ZNF8: variants seen among roughly 807,000 people sequenced by gnomAD.
The protein encoded by ZNF8 is zinc finger protein 272.
A neutral mutation model predicts 12.2 loss-of-function variants in ZNF8; 9 were observed. The observed-to-expected ratio is 0.73, with a 90% CI of 0.44 to 1.28. The LOEUF (loss-of-function observed/expected upper bound fraction) is 1.28. ZNF8 is among the 50% of genes most tolerant of loss of function. The probability of loss-of-function intolerance (pLI) is 0.00; values close to 1 mark genes in which losing one functional copy is unlikely to be tolerated. For missense variants in ZNF8, 664 were observed against 729.1 expected (o/e 0.91, Z 1.03); for synonymous variants, 274 against 282.3 (o/e 0.97, Z 0.30).
chr19:58,285,275 A>G (rs971408545), intron 1 of ZNF8, among the ~76,000 whole-genome samples: 2 of 152,024 alleles, frequency 1.3e-5, no homozygotes, highest in African/African-American at 4.8e-5. Context: ...CAGCTTCCCA[A>G]GTAGCTGGGA....
intron 3 of ZNF8, among the ~76,000 whole-genome samples, chr19:58,292,556 G>C (rs1027417093): frequency 6.6e-6 from 1 of 152,078 alleles, no homozygotes; most frequent in African/African-American, 2.4e-5. Flanking sequence ...TTTTGCTATC[G>C]ACATTCAGTC....
rs1444632732 is a variant in ZNF8, at chr19:58,294,265, C to A, written c.457C>A (p.Gln153Lys). 1.9e-6 allele frequency: 3 copies of A among 1,614,058 alleles called. No homozygotes were observed. Among genetic ancestry groups the A allele is most frequent in the South Asian group, 1.1e-5 (1 of 91,064 alleles). The change falls in exon 4 of 4, where the codon CAG becomes AAG. Residue 153 changes from glutamine to lysine, a missense_variant. Around this residue, in one of 3 missense-constraint regions of ZNF8, gnomAD observed 306 missense variants for 308.7 expected, o/e 0.99. Transcript: ENST00000621650. This position sits in a 1 kb window ranked among gnomAD's most constrained non-coding sequence, Gnocchi z 5.5. ...CQSQSLALKE[Q>K]NNLKQLEFGL... Reference sequence around the variant, plus strand: ...GAGCCAGAGTCTGGCACTCAAGGAGCAGAATAACTTGAAGCAGTTGGAATT... The same window carrying A: ...GAGCCAGAGTCTGGCACTCAAGGAGAAGAATAACTTGAAGCAGTTGGAATT...
At chr19:58,287,947 A>T (rs1383890256) in intron 3 of ZNF8, among the ~76,000 whole-genome samples, 1 of 140,286 alleles carries the variant, frequency 7.1e-6, no homozygotes, top group African/African-American at 2.7e-5. Flanking sequence ...GGCTCAAGCA[A>T]TCCTGCCTCA....
intron 3 of ZNF8, among the ~76,000 whole-genome samples, chr19:58,287,865 C>CTTTTTT (rs35762006): frequency 5.2e-5 from 6 of 115,670 alleles, no homozygotes; most frequent in Admixed American, 1.0e-4. Flanking sequence ...TTCTTTCTTC[C>CTTTTTT]TTTTTTTTTT....
In ZNF8 at chr19:58,295,521, C is replaced by G. The variant is rs73941810; in HGVS notation, c.1713C>G (p.Ile571Met). The change falls in exon 4 of 4, where the codon ATC becomes ATG. Residue 571 changes from isoleucine (I) to methionine (M), a missense_variant. Coordinates refer to ENST00000621650, the MANE Select transcript of ZNF8 (RefSeq NM_021089.3). ...TGGGTGCTTCCATGTTATTTGACAT[C>G]AGAGAATCCACATAGGAGAGAAACT... ...PSVGASMLFDIREST is the reference protein window; with the variant it reads ...PSVGASMLFDMREST 1 of 1,601,222 alleles carries G rather than the reference C, an allele frequency of 6.2e-7. No individual in the cohort carries two copies. The highest frequency in any genetic ancestry group is 1.3e-5 in the African/African-American group (1 of 74,208).
rs142154798 is a variant in ZNF8 at position 58,294,627 on chromosome 19, C to T, written c.819C>T (p.Thr273=). Residue 273 remains threonine (T), a synonymous_variant, in exon 4 of 4, where the codon ACC becomes ACT. Coordinates refer to ENST00000621650, the MANE Select transcript of ZNF8 (RefSeq NM_021089.3). The surrounding 1 kb of genome is among the most constrained non-coding windows in gnomAD (Gnocchi z 5.5). ...GKSFNHNAHL[T]VHKRIHTGER... Reference sequence around the variant, plus strand: ...CGTTTAACCATAACGCACACCTCACCGTGCACAAGAGGATTCATACGGGAG... The same window carrying T: ...CGTTTAACCATAACGCACACCTCACTGTGCACAAGAGGATTCATACGGGAG... 8.9e-5 allele frequency: 143 copies of T among 1,614,118 alleles called. 1 individual carries two copies. The highest frequency in any genetic ancestry group is 5.1e-4 in the African/African-American group (38 of 75,020).
At chr19:58,286,064 C>G (rs777999043) in intron 2 of ZNF8, 46 bp from the exon 3 acceptor site, 6 of 1,584,550 alleles carry the variant, frequency 3.8e-6, no homozygotes, top group Non-Finnish European at 5.2e-6. Context: ...CTTGTTGTTT[C>G]TCTCCTGAGC....
intron 1 of ZNF8, among the ~76,000 whole-genome samples, chr19:58,283,379 G>T (rs541219384): frequency 1.3e-5 from 2 of 152,164 alleles, no homozygotes; most frequent in South Asian, 4.2e-4. Context: ...TGAAGGTGGC[G>T]ACTTTTGGGA....
chr19:58,286,441 A>G, intron 3 of ZNF8: 1 of 419,438 alleles, frequency 2.4e-6, no homozygotes, highest in South Asian at 2.8e-5. Flanking sequence ...GAGTCCCCTC[A>G]CTGTGGAGTC....
In ZNF8 at chr19:58,294,947, G is replaced by C. The variant is rs1305383610; in HGVS notation, c.1139G>C (p.Arg380Pro). 2.5e-6 allele frequency: 4 copies of C among 1,613,978 alleles called. No homozygotes were observed. Among genetic ancestry groups the C allele is most frequent in the Non-Finnish European group, 3.4e-6 (4 of 1,180,016 alleles). Reference protein sequence around the residue: ...TCSVCGKSFSRTTCLFLHLRT... With the variant: ...TCSVCGKSFSPTTCLFLHLRT... ...AGTGTGTGTGGGAAATCCTTCTCTC[G>C]GACCACTTGCCTTTTCCTGCACCTG... is the stretch of plus-strand genomic sequence containing the variant. Residue 380 changes from arginine (R) to proline (P), a missense_variant, in exon 4 of 4, where the codon CGG (arginine) becomes CCG (proline). This residue lies in a region of ZNF8 where 133 missense variants were observed against 198.4 expected (regional missense o/e 0.67). Transcript: ENST00000621650. The surrounding 1 kb of genome is among the most constrained non-coding windows in gnomAD (Gnocchi z 5.5).
chr19:58,286,043 TG>T, intron 2 of ZNF8, 66 bp from the exon 3 acceptor site: 1 of 1,541,170 alleles, frequency 6.5e-7, no homozygotes, highest in Admixed American at 1.8e-5. Context: ...GAGTCTGGTC[TG>T]GAGCCTGGGC....
chr19:58,299,651 C>G lies in ZNF8; in HGVS notation c.*4115C>G, dbSNP rs1402578279. The G allele has an allele frequency of 6.6e-6, 1 of 152,016 alleles. No homozygotes were observed. The highest frequency in any genetic ancestry group is 1.5e-5 in the Non-Finnish European group (1 of 68,126). 9.4% of individuals were successfully genotyped at this position (152,016 alleles called of 1,614,324 possible). A position where few individuals can be genotyped will look rare whatever the true frequency, so the allele number is the denominator to read the frequency against. ...TGGCGTGGTGGCGGGCGCCTGTAGT[C>G]CCAGCTACTCGGGAGGCTGAGGCGG... On this transcript the variant is annotated 3_prime_UTR_variant, in exon 4 of 4. Transcript: ENST00000621650.
In ZNF8 at chr19:58,302,346, G is replaced by T. The variant is rs2051496120; in HGVS notation, c.*6810G>T. The T allele has an allele frequency of 6.6e-6, 1 of 152,072 alleles. No homozygotes were observed. Among genetic ancestry groups the T allele is most frequent in the African/African-American group, 2.4e-5 (1 of 41,418 alleles). The allele number at this position is 152,072 out of a possible 1,614,324, so 9.4% of individuals were successfully genotyped here. On this transcript the variant is annotated 3_prime_UTR_variant, in exon 4 of 4. Transcript: ENST00000621650. ...CCTCATACTTTAGCCATCCATAGAT[G>T]GTCCTTACCATTAGGATTTTACTAA...
intron 3 of ZNF8, among the ~76,000 whole-genome samples, chr19:58,287,843 CT>C (rs1028520416): frequency 1.2e-4 from 16 of 131,294 alleles, no homozygotes; most frequent in African/African-American, 3.9e-4. Flanking sequence ...TACTTTTTTT[CT>C]TTTTTTTTCT....
Position 58,282,051 on chromosome 19 carries a change from C to G in ZNF8, c.66+2904C>G, listed in dbSNP as rs553351218. On this transcript the variant is annotated intron_variant, in intron 1 of 3. Transcript: ENST00000621650. ...TCACATGAACCAGGGAGATGGAGGT[C>G]GCAGTGAACCGAGATTGCACCACTG... is the stretch of plus-strand genomic sequence containing the variant. 7.9e-4 allele frequency among the ~76,000 whole-genome samples: 121 copies of G among 152,230 alleles called. 1 individual carries two copies. The highest frequency in any genetic ancestry group is 1.4e-3 in the Non-Finnish European group (96 of 68,038).
chr19:58,279,495 A>G (rs1194201943), intron 1 of ZNF8: 1 of 1,479,086 alleles, frequency 6.8e-7, no homozygotes, highest in Admixed American at 2.2e-5. Flanking sequence ...CCTCGTGTTG[A>G]CTGATAACAG....
At chr19:58,291,958 C>T (rs2051422102) in intron 3 of ZNF8, among the ~76,000 whole-genome samples, 2 of 151,992 alleles carry the variant, frequency 1.3e-5, no homozygotes, top group South Asian at 4.2e-4. Context: ...GGAGGTGAGA[C>T]GAGCCAGGGC....
chr19:58,294,656 G>T lies in ZNF8; in HGVS notation c.848G>T (p.Arg283Ile), dbSNP rs766254282. 1 of 1,614,186 alleles carries T rather than the reference G, an allele frequency of 6.2e-7. No individual in the cohort carries two copies. Among genetic ancestry groups the T allele is most frequent in the Non-Finnish European group, 8.5e-7 (1 of 1,180,026 alleles). The change falls in exon 4 of 4, where the codon AGA (arginine) becomes ATA (isoleucine). Residue 283 changes from arginine (R) to isoleucine (I), a missense_variant. Physicochemically the swap from Arg to Ile is moderately conservative, Grantham distance 97. Around this residue, in one of 3 missense-constraint regions of ZNF8, gnomAD observed 133 missense variants for 198.4 expected, o/e 0.67. Transcript: ENST00000621650. The surrounding 1 kb of genome is among the most constrained non-coding windows in gnomAD (Gnocchi z 5.5). The stretch of plus-strand genomic sequence containing the variant: ...CACAAGAGGATTCATACGGGAGAAA[G>T]ACCTTATATGTGCAAGGAGTGTGGG... ...TVHKRIHTGERPYMCKECGKA... is the reference protein window; with the variant it reads ...TVHKRIHTGEIPYMCKECGKA...
Position 58,295,410 on chromosome 19 carries a change from A to G in ZNF8, c.1602A>G (p.Glu534=). The change falls in exon 4 of 4, where the codon GAA becomes GAG. Residue 534 remains glutamate, a synonymous_variant. Coordinates refer to ENST00000621650, the MANE Select transcript of ZNF8 (RefSeq NM_021089.3). ...SAGGAKAGQP[E]SRALALFDIQ... is the part of the protein sequence containing the mutation. ...GCGGAGCAAAGGCAGGGCAGCCGGA[A>G]AGCAGAGCCCTGGCTTTGTTTGACA... is the stretch of plus-strand genomic sequence containing the variant. The G allele has an allele frequency of 1.2e-6, 2 of 1,614,174 alleles. No individual in the cohort carries two copies. Among genetic ancestry groups the G allele is most frequent in the Non-Finnish European group, 1.7e-6 (2 of 1,180,016 alleles).
Sources: gnomAD v4.1 joint callset for allele counts (sites outside exome capture counted in the v4.1 genomes callset) on GRCh38, gnomAD v4.1.1 for gene constraint, gnomAD v4.1.1 regional missense constraint, Gnocchi (gnomAD v3.1) non-coding constraint, MANE v1.5 for transcripts, NCBI Gene and HGNC (gene_info 2026-07-23, HGNC 2026-07-21) for gene names.